The following PLXND1 variants were observed in gnomAD, a reference collection of about 807,000 sequenced individuals.
PLXND1 encodes the protein plexin-D1.
In PLXND1, 54 loss-of-function variants were observed where a neutral mutation model predicts 197.7. The ratio of observed to expected loss-of-function variants is 0.27; its 90% CI spans 0.22 to 0.34. The LOEUF (loss-of-function observed/expected upper bound fraction) is 0.34. Ranked by LOEUF, PLXND1 falls within the 10% of genes least tolerant of loss-of-function variation. The pLI is 1.00. For synonymous variants in PLXND1, 1,180 were observed against 1,161.2 expected (o/e 1.02, Z -0.33); for missense variants, 2,127 against 2,699.2 (o/e 0.79, Z 4.70).
intron 2 of PLXND1, 123 bp from the exon 3 acceptor site, chr3:129,586,842 G>A (rs774208602): frequency 1.4e-5 from 17 of 1,177,840 alleles, no homozygotes; most frequent in Admixed American, 2.1e-5. Flanking sequence ...CTTCAGGAGG[G>A]GTGGGAAGTC....
intron 8 of PLXND1, among the ~76,000 whole-genome samples, chr3:129,580,725 AG>A (rs1375110219): frequency 6.6e-6 from 1 of 151,988 alleles, no homozygotes; most frequent in African/African-American, 2.4e-5. Context: ...TGGCTCTCAC[AG>A]GGCCTCTCCT....
intron 13 of PLXND1, 80 bp downstream of exon 13, chr3:129,573,514 A>T: frequency 7.4e-7 from 1 of 1,354,454 alleles, no homozygotes. Context: ...AGGACAGAGG[A>T]TGGGGAGGGA....
At chr3:129,561,204 G>C (rs2085054072) in intron 29 of PLXND1, 1 of 454,826 alleles carries the variant, frequency 2.2e-6, no homozygotes, top group South Asian at 1.6e-5. Flanking sequence ...TGCTGGGAGA[G>C]ACTGAGACTC....
At chr3:129,573,499 G>C (rs749853075) in intron 13 of PLXND1, 95 bp downstream of exon 13, 1 of 1,247,852 alleles carries the variant, frequency 8.0e-7, no homozygotes, top group Non-Finnish European at 1.1e-6. Context: ...GAAAGCAGCA[G>C]AGTGAGGACA....
chr3:129,606,239 T>C lies in PLXND1; in HGVS notation c.401A>G (p.Gln134Arg). The C allele has an allele frequency of 6.4e-7, 1 of 1,574,586 alleles. No homozygotes were observed. The highest frequency in any genetic ancestry group is 2.4e-5 in the East Asian group (1 of 41,632). Residue 134 changes from glutamine to arginine, a missense_variant, in exon 1 of 36, where the codon CAG (glutamine) becomes CGG (arginine). By Grantham distance (43) the Gln-to-Arg change is conservative (BLOSUM62 1). This residue lies in a region of PLXND1 where 245 missense variants were observed against 267.1 expected (regional missense o/e 0.92). Coordinates refer to ENST00000324093, the MANE Select transcript of PLXND1 (RefSeq NM_015103.3). ...GGACCCGCACACGACTACCAGGCCC[T>C]GGCCGGGGTCCAGCTGCAGGATCTT... The part of the protein sequence containing the change: ...YNKILQLDPG[Q>R]GLVVVCGSIY...
chr3:129,573,053 T>C (rs2085261315), intron 13 of PLXND1, 112 bp from the exon 14 acceptor site: 7 of 709,430 alleles, frequency 9.9e-6, no homozygotes, highest in Non-Finnish European at 1.2e-5. Context: ...ATGCCTTCTA[T>C]GTATAATTTA....
At position 129,575,819 on chromosome 3, in the gene PLXND1, T is replaced by A; in HGVS notation, c.2383A>T (p.Ile795Phe). 1 of 1,613,352 alleles carries A rather than the reference T, an allele frequency of 6.2e-7. No homozygotes were observed. The highest frequency in any genetic ancestry group is 8.5e-7 in the Non-Finnish European group (1 of 1,179,570). ...TCATTCACCCACACAGCCTCGAAGA[T>A]CTCCTCCAGCCCAAAACTACACTCC... ...ALECSFGLEE[I>F]FEAVWVNESV... The change falls in exon 10 of 36, where the codon ATC becomes TTC. Residue 795 changes from isoleucine (I) to phenylalanine (F), a missense_variant. Physicochemically the swap from Ile to Phe is conservative, Grantham distance 21 (BLOSUM62 0). Around this residue, in one of 6 missense-constraint regions of PLXND1, gnomAD observed 1,095 missense variants for 1,259.8 expected, o/e 0.87. Coordinates refer to ENST00000324093, the MANE Select transcript of PLXND1 (RefSeq NM_015103.3).
rs749764894 is a variant in PLXND1 at position 129,558,461 on chromosome 3, G to A, written c.5412C>T (p.Asp1804=). ...CLSVIAQAFI[D]ACSISDLQLG... is the part of the protein sequence containing the mutation. The stretch of plus-strand genomic sequence containing the variant: ...GCTGCAGGTCAGAGATGGAGCAGGC[G>A]TCGATGAAGGCCTGCGCGATGACTG... Residue 1804 remains aspartate (D), a synonymous_variant, in exon 33 of 36, where the codon GAC becomes GAT. Transcript: ENST00000324093. The surrounding 1 kb of genome is among the most constrained non-coding windows in gnomAD (Gnocchi z 4.1). 13 of 1,613,758 alleles carry A rather than the reference G, an allele frequency of 8.1e-6. No individual in the cohort carries two copies. The highest frequency in any genetic ancestry group is 6.7e-5 in the East Asian group (3 of 44,904).
intron 11 of PLXND1, 71 bp from the exon 12 acceptor site, chr3:129,574,561 C>T: frequency 6.9e-7 from 1 of 1,459,354 alleles, no homozygotes; most frequent in Non-Finnish European, 9.4e-7. Context: ...GTGCCCTCCA[C>T]ACACAACAAC....
At position 129,557,094 on chromosome 3, in the gene PLXND1, C is replaced by G; in HGVS notation, c.5575G>C (p.Glu1859Gln). The G allele has an allele frequency of 1.2e-6, 2 of 1,614,012 alleles. No individual in the cohort carries two copies. The highest frequency in any genetic ancestry group is 1.7e-6 in the Non-Finnish European group (2 of 1,180,022). Residue 1859 changes from glutamate (E) to glutamine (Q), a missense_variant, in exon 34 of 36, where the codon GAG becomes CAG. Transcript: ENST00000324093. This position sits in a 1 kb window ranked among gnomAD's most constrained non-coding sequence, Gnocchi z 4.8. ...SEQEMNAHLA[E>Q]ESRKYQNEFN... Reference sequence around the variant, plus strand: ...CCGAGCCACCGCACCCTCGACTCCTCGGCCAGATGGGCATTCATCTCTTGC... The same window carrying G: ...CCGAGCCACCGCACCCTCGACTCCTGGGCCAGATGGGCATTCATCTCTTGC...
chr3:129,580,883 C>A (rs2085377935), intron 8 of PLXND1, among the ~76,000 whole-genome samples: 1 of 152,010 alleles, frequency 6.6e-6, no homozygotes, highest in Admixed American at 6.5e-5. Flanking sequence ...ACTCTCTCCA[C>A]TGGCCCGTAG....
chr3:129,567,631 C>T lies in PLXND1; in HGVS notation c.3974-27G>A, dbSNP rs367714975. ...TGGCGGACACACGGACAGCCGTGAG[C>T]GGCCCGAGAACCCATCCCCTAGGAG... On this transcript the variant is annotated intron_variant, in intron 21 of 35. Transcript: ENST00000324093. 35 of 1,586,746 alleles carry T rather than the reference C, an allele frequency of 2.2e-5. No individual in the cohort carries two copies. The African/African-American group carries it at 3.8e-4, about 17-fold the overall frequency.
chr3:129,599,433 C>T (rs2085675270), intron 1 of PLXND1, among the ~76,000 whole-genome samples: 1 of 152,226 alleles, frequency 6.6e-6, no homozygotes, highest in South Asian at 2.1e-4. Context: ...CAGGGTCCTG[C>T]ACTCACCTAG....
rs182064884 is a variant in PLXND1, at chr3:129,586,697, T to C, written c.1511A>G (p.Gln504Arg). 2.4e-4 allele frequency: 383 copies of C among 1,598,588 alleles called. No homozygotes were observed. In the East Asian group the frequency reaches 8.0e-3, roughly 33 times the overall value. ...LLKINLNESMQVVSRRVVTVA... is the reference protein window; with the variant it reads ...LLKINLNESMRVVSRRVVTVA... ...AGTCACCACCCGCCTGCTCACCACC[T>C]GCATGCTCTCGTTCAGGTTGATCTG... Residue 504 changes from glutamine (Q) to arginine (R), a missense_variant, in exon 3 of 36, where the codon CAG becomes CGG. Coordinates refer to ENST00000324093, the MANE Select transcript of PLXND1 (RefSeq NM_015103.3).
At chr3:129,583,497 C>G (rs567033647) in intron 8 of PLXND1, 70 bp downstream of exon 8, 2 of 994,016 alleles carry the variant, frequency 2.0e-6, no homozygotes, top group Admixed American at 4.2e-5. Context: ...TTGAAACATT[C>G]TCAACATGTG....
At position 129,562,770 on chromosome 3, in the gene PLXND1, C is replaced by G. The variant is rs2085080346; in HGVS notation, c.4825+17G>C. ...TGAAGCGCCTGACACGGGGTCTCTG[C>G]CCCCATTCCCACCCACCAAGGTCGA... is the stretch of plus-strand genomic sequence containing the variant. On this transcript the variant is annotated intron_variant, in intron 27 of 35. Coordinates refer to ENST00000324093, the MANE Select transcript of PLXND1 (RefSeq NM_015103.3). 6.3e-7 allele frequency: 1 copy of G among 1,583,828 alleles called. No homozygotes were observed. The highest frequency in any genetic ancestry group is 8.6e-7 in the Non-Finnish European group (1 of 1,157,254).
At chr3:129,597,374 C>T (rs2085640692) in intron 1 of PLXND1, among the ~76,000 whole-genome samples, 1 of 152,218 alleles carries the variant, frequency 6.6e-6, no homozygotes, top group South Asian at 2.1e-4. Context: ...TTCTAGAGAG[C>T]TCAGTCACCT....
At chr3:129,591,555 G>A (rs2085542166) in intron 1 of PLXND1, 1 of 152,238 alleles carries the variant, frequency 6.6e-6, no homozygotes, top group East Asian at 1.9e-4. Flanking sequence ...CGGAAACGGA[G>A]CAGGTTAAAG....
chr3:129,592,675 T>A (rs964924834), intron 1 of PLXND1, among the ~76,000 whole-genome samples: 13 of 152,024 alleles, frequency 8.6e-5, no homozygotes, highest in African/African-American at 3.1e-4. Flanking sequence ...AGGAATTTTC[T>A]AAAAGGCCTT....
Sources: allele counts gnomAD v4.1 joint callset (sites outside exome capture counted in the v4.1 genomes callset), GRCh38; gene constraint gnomAD v4.1.1; regional missense constraint gnomAD v4.1.1; non-coding constraint Gnocchi (gnomAD v3.1); transcripts MANE v1.5; gene names NCBI Gene and HGNC (gene_info 2026-07-23, HGNC 2026-07-21).